WNT7A: variants seen among roughly 807,000 people sequenced by gnomAD.
WNT7A encodes the protein Wnt family member 7A.
WNT7A carries 16 observed loss-of-function variants against 28.2 expected under a neutral mutation model. That is an observed-to-expected ratio of 0.57 (90% confidence interval 0.38 to 0.86). The LOEUF (loss-of-function observed/expected upper bound fraction) is 0.86. WNT7A is among the 40% of genes least tolerant of loss of function. WNT7A has a pLI of 0.00. For synonymous variants in WNT7A, 190 were observed against 195.9 expected (o/e 0.97, Z 0.25); for missense variants, 411 against 489.7 (o/e 0.84, Z 1.52).
At chr3:13,873,424 C>G (rs1409696557) in intron 2 of WNT7A, among the ~76,000 whole-genome samples, 1 of 152,034 alleles carries the variant, frequency 6.6e-6, no homozygotes, top group East Asian at 1.9e-4. Flanking sequence ...CAACTAGAGA[C>G]CTGGCCCTCA....
chr3:13,862,911 GCAGTGA>G (rs1255038413), intron 2 of WNT7A, among the ~76,000 whole-genome samples: 2 of 152,350 alleles, frequency 1.3e-5, no homozygotes, highest in African/African-American at 4.8e-5. Flanking sequence ...CTGCTAAGGG[GCAGTGA>G]ATGTAGCCCA....
intron 2 of WNT7A, among the ~76,000 whole-genome samples, chr3:13,861,194 G>A (rs1378849310): frequency 6.6e-6 from 1 of 152,230 alleles, no homozygotes; most frequent in Non-Finnish European, 1.5e-5. Flanking sequence ...GCCTGTGAGT[G>A]AACCCTGGGC....
rs1433355 is a variant in WNT7A at position 13,849,347 on chromosome 3, G to A, written c.570+5185C>T. 3.9e-5 allele frequency among the ~76,000 whole-genome samples: 6 copies of A among 152,188 alleles called. No individual in the cohort carries two copies. In the South Asian group the frequency reaches 8.3e-4, roughly 21 times the overall value. On this transcript the variant is annotated intron_variant, in intron 3 of 3. Coordinates refer to ENST00000285018, the MANE Select transcript of WNT7A (RefSeq NM_004625.4). The stretch of plus-strand genomic sequence containing the variant: ...TAAATCTGAATTTGAGATACATGGC[G>A]AATCATTTTTTAGTATGTCTTGTGC...
rs1172856724 is a variant in WNT7A at position 13,818,969 on chromosome 3, C to G, written c.1025G>C (p.Arg342Pro). The stretch of plus-strand genomic sequence containing the variant: ...TCACTTGCACGTGTACATCTCCGTG[C>G]GCTCGCTGCACGTGTTGCACTTGAC... ...CYVKCNTCSE[R>P]TEMYTCK is the part of the protein sequence containing the mutation. The change falls in exon 4 of 4, where the codon CGC becomes CCC. Residue 342 changes from arginine to proline, a missense_variant. Coordinates refer to ENST00000285018, the MANE Select transcript of WNT7A (RefSeq NM_004625.4). 6.3e-7 allele frequency: 1 copy of G among 1,589,846 alleles called. No individual in the cohort carries two copies. Among genetic ancestry groups the G allele is most frequent in the African/African-American group, 1.3e-5 (1 of 74,574 alleles).
intron 2 of WNT7A, 46 bp from the exon 3 acceptor site, chr3:13,854,849 G>A: frequency 1.2e-6 from 2 of 1,607,730 alleles, no homozygotes; most frequent in South Asian, 1.1e-5. Context: ...CAGGTCCCAA[G>A]CATCTGAGAG....
At chr3:13,867,986 G>A (rs1694938967) in intron 2 of WNT7A, among the ~76,000 whole-genome samples, 1 of 152,144 alleles carries the variant, frequency 6.6e-6, no homozygotes, top group Non-Finnish European at 1.5e-5. Context: ...TGGCACAATA[G>A]CAATTCAATC....
chr3:13,857,914 G>A (rs1164486530), intron 2 of WNT7A, among the ~76,000 whole-genome samples: 3 of 152,202 alleles, frequency 2.0e-5, no homozygotes, highest in African/African-American at 7.2e-5. Flanking sequence ...CAATGGTAGA[G>A]CACTTAGCAC....
chr3:13,871,446 T>C (rs1165372126), intron 2 of WNT7A, among the ~76,000 whole-genome samples: 1 of 152,160 alleles, frequency 6.6e-6, no homozygotes, highest in East Asian at 1.9e-4. Context: ...GGCTCTCATC[T>C]TGACTCATCT....
At chr3:13,879,535 C>T (rs73023640) in intron 1 of WNT7A, among the ~76,000 whole-genome samples, 4 of 152,186 alleles carry the variant, frequency 2.6e-5, no homozygotes, top group African/African-American at 9.6e-5. Flanking sequence ...CAGACTCAGA[C>T]GTCCTCAGGA....
intron 2 of WNT7A, among the ~76,000 whole-genome samples, chr3:13,855,021 T>C (rs1284825074): frequency 2.0e-5 from 3 of 152,068 alleles, no homozygotes; most frequent in Non-Finnish European, 4.4e-5. Flanking sequence ...ACCTGGGGAG[T>C]CAACTGGGCA....
At chr3:13,854,952 C>G in intron 2 of WNT7A, 149 bp from the exon 3 acceptor site, 1 of 1,071,062 alleles carries the variant, frequency 9.3e-7, no homozygotes, top group East Asian at 2.6e-5. Flanking sequence ...CAACAAAGCT[C>G]CCTTTTAGGG....
Position 13,854,527 on chromosome 3 carries a change from C to G in WNT7A, c.570+5G>C, listed in dbSNP as rs773495383. 1.2e-6 allele frequency: 2 copies of G among 1,614,116 alleles called. No individual in the cohort carries two copies. The highest frequency in any genetic ancestry group is 1.7e-6 in the Non-Finnish European group (2 of 1,180,050). On this transcript the variant is annotated splice_donor_5th_base_variant and intron_variant, in intron 3 of 3. Coordinates refer to ENST00000285018, the MANE Select transcript of WNT7A (RefSeq NM_004625.4). Reference sequence around the variant, plus strand: ...GCCGCCCAGCTGCCCTCCCTGGCTTCCTACCTTTCGGCCTGCCTCGTTGTT... The same window carrying G: ...GCCGCCCAGCTGCCCTCCCTGGCTTGCTACCTTTCGGCCTGCCTCGTTGTT...
chr3:13,864,003 T>C (rs1239511535), intron 2 of WNT7A: 2 of 152,070 alleles, frequency 1.3e-5, no homozygotes, highest in African/African-American at 4.8e-5. Flanking sequence ...TCCCAGATTG[T>C]AGACAGAGGA....
intron 2 of WNT7A, among the ~76,000 whole-genome samples, chr3:13,873,069 G>A (rs1412097204): frequency 2.6e-5 from 4 of 152,048 alleles, no homozygotes; most frequent in Admixed American, 1.3e-4. Context: ...AACCACAAGC[G>A]ACAAGCAAGG....
chr3:13,840,797 G>GTGCA (rs569566597), intron 3 of WNT7A, among the ~76,000 whole-genome samples: 6 of 151,124 alleles, frequency 4.0e-5, no homozygotes, highest in African/African-American at 1.5e-4. Context: ...CTATCCATTT[G>GTGCA]TGCATGCATG....
At chr3:13,833,309 C>T (rs1455875963) in intron 3 of WNT7A, among the ~76,000 whole-genome samples, 1 of 152,192 alleles carries the variant, frequency 6.6e-6, no homozygotes, top group African/African-American at 2.4e-5. Context: ...CATCCCTACA[C>T]AACATATGCA....
intron 3 of WNT7A, among the ~76,000 whole-genome samples, chr3:13,820,382 A>G (rs1261925501): frequency 6.7e-6 from 1 of 148,574 alleles, no homozygotes; most frequent in Non-Finnish European, 1.5e-5. Context: ...CCATGAAGCT[A>G]GTATGATTGA....
chr3:13,879,319 C>T (rs1323628372), intron 1 of WNT7A, among the ~76,000 whole-genome samples: 1 of 152,234 alleles, frequency 6.6e-6, no homozygotes, highest in African/African-American at 2.4e-5. Context: ...TGCCGCGCCT[C>T]CTGAGAGAGT....
chr3:13,875,060 A>G lies in WNT7A; in HGVS notation c.185T>C (p.Ile62Thr). The change falls in exon 2 of 4, where the codon ATA becomes ACA. Residue 62 changes from isoleucine (I) to threonine (T), a missense_variant. Coordinates refer to ENST00000285018, the MANE Select transcript of WNT7A (RefSeq NM_004625.4). ...CAGGCCCATTTGTGAGCCTTCTCCT[A>G]TGACGATGATGGCGTCGGGCCGGCT... ...CQSRPDAIIVIGEGSQMGLDE... is the reference protein window; with the variant it reads ...CQSRPDAIIVTGEGSQMGLDE... 6.2e-7 allele frequency: 1 copy of G among 1,614,198 alleles called. No individual in the cohort carries two copies. Among genetic ancestry groups the G allele is most frequent in the Non-Finnish European group, 8.5e-7 (1 of 1,180,026 alleles).
Sources: allele counts gnomAD v4.1 joint callset (sites outside exome capture counted in the v4.1 genomes callset), GRCh38; gene constraint gnomAD v4.1.1; transcripts MANE v1.5; gene names NCBI Gene and HGNC (gene_info 2026-07-23, HGNC 2026-07-21).